WDPCP: variants seen among roughly 807,000 people sequenced by gnomAD.
WDPCP encodes WD repeat containing planar cell polarity effector.
A neutral mutation model predicts 93.1 loss-of-function variants in WDPCP; 71 were observed. That is an observed-to-expected ratio of 0.76 (90% confidence interval 0.63 to 0.93). The LOEUF (loss-of-function observed/expected upper bound fraction) is 0.93, where lower values mean the gene tolerates loss of function less well. Among genes scored for constraint, WDPCP ranks in the 40% least tolerant of loss-of-function variants. The probability of loss-of-function intolerance (pLI) is 0.00; values close to 1 mark genes in which losing one functional copy is unlikely to be tolerated. For synonymous variants in WDPCP, 315 were observed against 315.0 expected (o/e 1.00, Z 0.00); for missense variants, 844 against 887.4 (o/e 0.95, Z 0.62).
chr2:63,204,336 CTTTTTTTTTT>C (rs397872785), intron 14 of WDPCP, among the ~76,000 whole-genome samples: 5 of 92,294 alleles, frequency 5.4e-5, no homozygotes, highest in Non-Finnish European at 1.1e-4. Flanking sequence ...GCCCGTTTGC[CTTTTTTTTTT>C]TTTTTTTTTT....
intron 3 of WDPCP, chr2:63,599,349 C>A: frequency 6.5e-7 from 1 of 1,543,742 alleles, no homozygotes. Flanking sequence ...ATTTTTCTCT[C>A]ACTTTTAAAA....
chr2:63,648,465 G>C lies in WDPCP; in HGVS notation n.488+2194C>G, dbSNP rs112182015. 8.6e-3 allele frequency among the ~76,000 whole-genome samples: 1,316 copies of C among 152,234 alleles called. 4 individuals are homozygous for C. Among genetic ancestry groups the C allele is most frequent in the Non-Finnish European group, 0.013 (912 of 68,016 alleles). On this transcript the variant is annotated intron_variant and non_coding_transcript_variant, in intron 3 of 4. Transcript: ENST00000467687. ...TCAATGAGTTGGGAAATGTATAGTT[G>C]TGTAATTATTACCACCACAATCAAG...
intron 1 of WDPCP, among the ~76,000 whole-genome samples, chr2:63,509,226 A>G (rs926061695): frequency 6.6e-6 from 1 of 152,208 alleles, no homozygotes; most frequent in South Asian, 2.1e-4. Flanking sequence ...AAATCAAAAC[A>G]AACAGTTTAT....
At chr2:63,622,585 C>A in intron 3 of WDPCP, 2 of 1,613,852 alleles carry the variant, frequency 1.2e-6, no homozygotes, top group Non-Finnish European at 1.7e-6. Context: ...ACAATAGAGT[C>A]CTCCAGGATG....
At chr2:63,792,350 T>G (rs905647672) in intron 2 of WDPCP, among the ~76,000 whole-genome samples, 3 of 152,068 alleles carry the variant, frequency 2.0e-5, no homozygotes, top group Non-Finnish European at 4.4e-5. Flanking sequence ...CCATCAGATC[T>G]CATGAGAACT....
chr2:63,292,132 CAAAA>C (rs58370764), intron 13 of WDPCP, among the ~76,000 whole-genome samples: 1 of 83,384 alleles, frequency 1.2e-5, no homozygotes, highest in Non-Finnish European at 2.3e-5. Flanking sequence ...GACTCCGGCT[CAAAA>C]AAAAAAAAAA....
At chr2:63,546,487 T>C (rs1705161832) in intron 1 of WDPCP, among the ~76,000 whole-genome samples, 1 of 152,202 alleles carries the variant, frequency 6.6e-6, no homozygotes, top group Non-Finnish European at 1.5e-5. Flanking sequence ...AAAATTGCCT[T>C]GGCACTGAAA....
intron 17 of WDPCP, among the ~76,000 whole-genome samples, chr2:63,150,464 T>C (rs1159337513): frequency 6.6e-6 from 1 of 152,190 alleles, no homozygotes; most frequent in Admixed American, 6.5e-5. Context: ...CAAATAATTA[T>C]TTGGCCCAAA....
At chr2:63,252,337 G>T (rs1190521625) in intron 14 of WDPCP, among the ~76,000 whole-genome samples, 1 of 152,100 alleles carries the variant, frequency 6.6e-6, no homozygotes, top group East Asian at 1.9e-4. Context: ...ATACTAAATG[G>T]CAAAAGCTGG....
At chr2:63,352,838 C>T (rs1460775969) in intron 12 of WDPCP, among the ~76,000 whole-genome samples, 1 of 152,100 alleles carries the variant, frequency 6.6e-6, no homozygotes, top group East Asian at 1.9e-4. Context: ...ATTCATACTT[C>T]ACAAATAATG....
At chr2:63,791,543 T>G (rs1360497064) in intron 2 of WDPCP, among the ~76,000 whole-genome samples, 3 of 152,150 alleles carry the variant, frequency 2.0e-5, no homozygotes, top group Non-Finnish European at 4.4e-5. Context: ...ATGGAAATGG[T>G]GCTTGCTTAT....
intron 1 of WDPCP, among the ~76,000 whole-genome samples, chr2:63,559,761 C>A (rs918496706): frequency 1.6e-4 from 25 of 152,114 alleles, no homozygotes; most frequent in Non-Finnish European, 1.2e-4. Flanking sequence ...TAACTACAAT[C>A]CACTGCTTAA....
intron 1 of WDPCP, among the ~76,000 whole-genome samples, chr2:63,814,326 A>G (rs1256406460): frequency 6.6e-6 from 1 of 152,114 alleles, no homozygotes; most frequent in Non-Finnish European, 1.5e-5. Flanking sequence ...GATGATTCGA[A>G]AAAAAAATAT....
intron 9 of WDPCP, among the ~76,000 whole-genome samples, chr2:63,425,174 A>T (rs1000270444): frequency 4.6e-5 from 7 of 152,220 alleles, no homozygotes; most frequent in African/African-American, 1.7e-4. Flanking sequence ...GACTATACTC[A>T]ACTTGAACCA....
At chr2:63,693,441 A>AGATAGATG (rs1347100467) in intron 2 of WDPCP, among the ~76,000 whole-genome samples, 6 of 95,334 alleles carry the variant, frequency 6.3e-5, no homozygotes, top group Non-Finnish European at 1.2e-4. Flanking sequence ...TATAGATATT[A>AGATAGATG]GATAGATAGA....
At chr2:63,761,046 A>G (rs533682165) in intron 2 of WDPCP, among the ~76,000 whole-genome samples, 102 of 152,246 alleles carry the variant, frequency 6.7e-4, no homozygotes, top group Non-Finnish European at 1.3e-3. Flanking sequence ...AGGATGAACC[A>G]TGTTATGGCT....
intron 15 of WDPCP, among the ~76,000 whole-genome samples, chr2:63,160,907 A>G (rs1672598215): frequency 6.6e-6 from 1 of 152,194 alleles, no homozygotes; most frequent in South Asian, 2.1e-4. Context: ...AGCACCATCT[A>G]CTATGCATTA....
chr2:63,393,592 C>T (rs1249264489), intron 10 of WDPCP, among the ~76,000 whole-genome samples: 1 of 149,508 alleles, frequency 6.7e-6, no homozygotes, highest in African/African-American at 2.5e-5. Flanking sequence ...CATATGGAAC[C>T]AAAAAAAGAG....
intron 1 of WDPCP, among the ~76,000 whole-genome samples, chr2:63,821,620 C>G (rs1401943886): frequency 1.3e-5 from 2 of 152,104 alleles, no homozygotes; most frequent in Non-Finnish European, 2.9e-5. Context: ...GTCAACAGTA[C>G]AGAGAGTGGA....
Sources: allele counts gnomAD v4.1 joint callset (sites outside exome capture counted in the v4.1 genomes callset), GRCh38; gene constraint gnomAD v4.1.1; transcripts MANE v1.5; gene names NCBI Gene and HGNC (gene_info 2026-07-23, HGNC 2026-07-21).